The following NBEA variants were observed in gnomAD, a reference collection of about 807,000 sequenced individuals.
NBEA encodes neurobeachin, also known as lysosomal-trafficking regulator 2.
Under a neutral mutation model 343.4 loss-of-function variants are expected in NBEA, and 44 were observed. That is an observed-to-expected ratio of 0.13 (90% CI 0.10 to 0.16). The LOEUF is 0.16. Ranked by LOEUF, NBEA falls within the 10% of genes least tolerant of loss-of-function variation. The pLI, the probability that NBEA is intolerant of heterozygous loss-of-function variation, is 1.00. For missense variants in NBEA, 2,555 were observed against 3,631.3 expected (o/e 0.70, Z 7.62); for synonymous variants, 1,175 against 1,238.7 (o/e 0.95, Z 1.08).
intron 1 of NBEA, among the ~76,000 whole-genome samples, chr13:34,997,979 C>T (rs2060995146): frequency 6.6e-6 from 1 of 152,062 alleles, no homozygotes; most frequent in South Asian, 2.1e-4. Flanking sequence ...TTTATGTAAA[C>T]TTGTTAAAGG....
intron 47 of NBEA, among the ~76,000 whole-genome samples, chr13:35,605,754 T>C (rs913762885): frequency 6.6e-6 from 1 of 152,186 alleles, no homozygotes; most frequent in Non-Finnish European, 1.5e-5. Context: ...TCCAGTTGTT[T>C]ATGCTACAGT....
intron 1 of NBEA, among the ~76,000 whole-genome samples, chr13:34,957,188 C>T (rs2059526283): frequency 6.6e-6 from 1 of 152,050 alleles, no homozygotes; most frequent in African/African-American, 2.4e-5. Context: ...ACTCTTGATT[C>T]TCTTATCTTG....
chr13:35,294,965 A>G (rs1259961342), intron 35 of NBEA, among the ~76,000 whole-genome samples: 1 of 151,820 alleles, frequency 6.6e-6, no homozygotes, highest in African/African-American at 2.4e-5. Flanking sequence ...AACAGTGTCT[A>G]ATCATTTGGC....
intron 11 of NBEA, among the ~76,000 whole-genome samples, chr13:35,102,986 A>C (rs2065723686): frequency 1.3e-5 from 2 of 151,874 alleles, no homozygotes; most frequent in Admixed American, 1.3e-4. Context: ...AATTACACTA[A>C]GTATGATATT....
intron 34 of NBEA, among the ~76,000 whole-genome samples, chr13:35,240,033 G>T (rs1424984985): frequency 3.4e-5 from 5 of 147,902 alleles, no homozygotes; most frequent in African/African-American, 9.8e-5. Context: ...AAGTAATTGC[G>T]ATTTTATTAG....
intron 34 of NBEA, among the ~76,000 whole-genome samples, chr13:35,272,311 A>AT (rs2152805160): frequency 6.6e-6 from 1 of 152,300 alleles, no homozygotes. Context: ...ATGCTGAGAG[A>AT]TTTTGTCATC....
At chr13:35,026,861 G>T (rs1446833974) in intron 1 of NBEA, among the ~76,000 whole-genome samples, 1 of 152,006 alleles carries the variant, frequency 6.6e-6, no homozygotes, top group African/African-American at 2.4e-5. Flanking sequence ...TGCCAAGATA[G>T]AGAAGTATTC....
chr13:35,430,532 A>G (rs1441833039), intron 38 of NBEA, among the ~76,000 whole-genome samples: 1 of 152,142 alleles, frequency 6.6e-6, no homozygotes, highest in African/African-American at 2.4e-5. Flanking sequence ...GCCAATGTCT[A>G]GAAGAGTTTT....
chr13:35,319,893 A>T (rs1419873548), intron 36 of NBEA, among the ~76,000 whole-genome samples: 1 of 149,892 alleles, frequency 6.7e-6, no homozygotes, highest in Non-Finnish European at 1.5e-5. Context: ...AGTCTGTTTT[A>T]TCAGGGACTA....
At chr13:35,378,731 G>A (rs1406967565) in intron 38 of NBEA, among the ~76,000 whole-genome samples, 1 of 151,368 alleles carries the variant, frequency 6.6e-6, no homozygotes, top group Non-Finnish European at 1.5e-5. Flanking sequence ...AAAAACTGAA[G>A]GCACCTATGC....
intron 1 of NBEA, among the ~76,000 whole-genome samples, chr13:35,007,579 C>T (rs190644096): frequency 1.0e-3 from 152 of 152,186 alleles, no homozygotes; most frequent in African/African-American, 3.5e-3. Flanking sequence ...GTAGGCTTGA[C>T]CTCCCAGGCT....
At chr13:35,576,776 C>T (rs754479649) in intron 45 of NBEA, among the ~76,000 whole-genome samples, 39 of 152,094 alleles carry the variant, frequency 2.6e-4, no homozygotes, top group Non-Finnish European at 4.9e-4. Context: ...GAAATTTATA[C>T]TGATTTATTT....
At chr13:35,666,527 A>G (rs1241756919) in intron 56 of NBEA, among the ~76,000 whole-genome samples, 1 of 152,124 alleles carries the variant, frequency 6.6e-6, no homozygotes, top group African/African-American at 2.4e-5. Context: ...AATTTTCTAT[A>G]GGGCAAGTCT....
At chr13:35,445,790 A>ATATATATACATATATATATATATATATG (rs2045977442) in intron 39 of NBEA, among the ~76,000 whole-genome samples, 1 of 69,924 alleles carries the variant, frequency 1.4e-5, no homozygotes, top group Non-Finnish European at 2.8e-5. Context: ...GTTTATATAT[A>ATATATATACATATATATATATATATATG]TATATATATA....
intron 2 of NBEA, among the ~76,000 whole-genome samples, chr13:35,041,803 A>G (rs2062661637): frequency 6.6e-6 from 1 of 152,014 alleles, no homozygotes; most frequent in Non-Finnish European, 1.5e-5. Context: ...ACTACCTTGC[A>G]TGCTCATTCT....
At chr13:35,596,376 A>T (rs1425828793) in intron 47 of NBEA, among the ~76,000 whole-genome samples, 3 of 152,168 alleles carry the variant, frequency 2.0e-5, no homozygotes, top group African/African-American at 7.2e-5. Flanking sequence ...GCACAGCATG[A>T]TATATTTTTT....
At chr13:35,351,670 T>C (rs2040208302) in intron 37 of NBEA, among the ~76,000 whole-genome samples, 1 of 151,994 alleles carries the variant, frequency 6.6e-6, no homozygotes, top group African/African-American at 2.4e-5. Context: ...TTTGCATATT[T>C]TGTGAATTAA....
At chr13:34,974,353 G>T (rs2060096648) in intron 1 of NBEA, among the ~76,000 whole-genome samples, 1 of 152,090 alleles carries the variant, frequency 6.6e-6, no homozygotes, top group East Asian at 1.9e-4. Flanking sequence ...AGTAGAAGTG[G>T]TTTCCTCTTC....
At chr13:35,023,114 T>C (rs1428742614) in intron 1 of NBEA, among the ~76,000 whole-genome samples, 1 of 152,044 alleles carries the variant, frequency 6.6e-6, no homozygotes, top group Non-Finnish European at 1.5e-5. Context: ...TGAAGACAAA[T>C]ATAGTTATCA....
Sources: gnomAD v4.1 joint callset for allele counts (sites outside exome capture counted in the v4.1 genomes callset) on GRCh38, gnomAD v4.1.1 for gene constraint, MANE v1.5 for transcripts, NCBI Gene and HGNC (gene_info 2026-07-23, HGNC 2026-07-21) for gene names.